Variants in RNF17 observed in about 807,000 individuals in gnomAD.
RNF17 encodes the protein spermatogenesis associated 23.
Under a neutral mutation model 200.5 loss-of-function variants are expected in RNF17, and 31 were observed. The observed-to-expected ratio is 0.15, with a 90% CI of 0.12 to 0.21. The LOEUF is 0.21. RNF17 is among the 10% of genes least tolerant of loss of function. The pLI is 1.00. For missense variants in RNF17, 1,628 were observed against 1,905.1 expected (o/e 0.85, Z 2.71); for synonymous variants, 606 against 637.8 (o/e 0.95, Z 0.75).
downstream of RNF17, chr13:24,883,481 T>A (rs1364524798): frequency 2.5e-6 from 2 of 789,930 alleles, no homozygotes; most frequent in Middle Eastern, 3.7e-4. Context: ...TCTGGAGACA[T>A]CCCTTGGTTA....
downstream of RNF17, among the ~76,000 whole-genome samples, chr13:24,880,937 C>G (rs900704900): frequency 6.6e-6 from 1 of 152,146 alleles, no homozygotes; most frequent in Non-Finnish European, 1.5e-5. Context: ...TATGCATTCA[C>G]TGGTTTATTA....
At chr13:24,879,433 C>A in intron 35 of RNF17, 138 bp downstream of exon 35, 1 of 621,910 alleles carries the variant, frequency 1.6e-6, no homozygotes. Context: ...TCTTCATAGG[C>A]CCTTCTCACC....
intron 2 of RNF17, among the ~76,000 whole-genome samples, chr13:24,773,917 T>C (rs1467860287): frequency 1.3e-5 from 2 of 152,188 alleles, no homozygotes; most frequent in Non-Finnish European, 2.9e-5. Context: ...CTTTCAGGTA[T>C]CAGTTCATGA....
At chr13:24,796,874 A>C (rs768609515) in intron 11 of RNF17, among the ~76,000 whole-genome samples, 13 of 152,240 alleles carry the variant, frequency 8.5e-5, no homozygotes, top group Non-Finnish European at 1.9e-4. Flanking sequence ...CATTTGTATT[A>C]ATAGAGTATT....
chr13:24,859,254 A>G (rs779368392), intron 26 of RNF17, 90 bp downstream of exon 26: 21 of 916,494 alleles, frequency 2.3e-5, no homozygotes, highest in Admixed American at 6.0e-5. Context: ...AAGTTGGATT[A>G]AAACATCTTT....
intron 26 of RNF17, among the ~76,000 whole-genome samples, chr13:24,860,954 T>C (rs1200416216): frequency 1.3e-5 from 2 of 152,000 alleles, no homozygotes; most frequent in Admixed American, 1.3e-4. Context: ...CACAGCTCAT[T>C]GCAGCCTTGA....
chr13:24,869,607 G>C lies in RNF17; in HGVS notation c.4278+891G>C, dbSNP rs539028587. Among the ~76,000 whole-genome samples the C allele has an allele frequency of 1.9e-4, 29 of 152,276 alleles. No individual in the cohort carries two copies. In the South Asian group the frequency reaches 5.6e-3, roughly 29 times the overall value. On this transcript the variant is annotated intron_variant, in intron 31 of 35. Coordinates refer to ENST00000255324, the MANE Select transcript of RNF17 (RefSeq NM_031277.3). ...TCACTCACATGGCACCACCTGGAAGGCTGTGTTTCCTGCCCGTGGCCTCTC... is the reference window on the plus strand; with the variant it reads ...TCACTCACATGGCACCACCTGGAAGCCTGTGTTTCCTGCCCGTGGCCTCTC...
intron 1 of RNF17, 57 bp from the exon 2 acceptor site, chr13:24,767,215 C>A (rs1360002922): frequency 3.0e-5 from 38 of 1,247,656 alleles, no homozygotes; most frequent in Middle Eastern, 1.9e-4. Context: ...CAGAGCAAGA[C>A]CCTGTCTCAA....
chr13:24,832,010 C>A (rs1160160012), intron 18 of RNF17, 32 bp downstream of exon 18: 1 of 1,387,484 alleles, frequency 7.2e-7, no homozygotes. Flanking sequence ...TATGTAATCA[C>A]ATATAATTTT....
At chr13:24,888,567 TCTG>T in the RNF17 span, among the ~76,000 whole-genome samples, 1 of 149,188 alleles carries the variant, frequency 6.7e-6, no homozygotes, top group South Asian at 2.1e-4. Context: ...AAGAGCATAC[TCTG>T]CTGACAGTAA....
chr13:24,860,577 A>G (rs922411650), intron 26 of RNF17, among the ~76,000 whole-genome samples: 7 of 152,226 alleles, frequency 4.6e-5, no homozygotes, highest in African/African-American at 1.7e-4. Context: ...AGCAAATCCA[A>G]TTAAACAGTG....
At chr13:24,846,170 G>A (rs1326622344) in intron 22 of RNF17, among the ~76,000 whole-genome samples, 2 of 152,176 alleles carry the variant, frequency 1.3e-5, no homozygotes, top group African/African-American at 2.4e-5. Context: ...GTTATTCCAT[G>A]TCTAGGCTGC....
At chr13:24,885,140 G>A in the RNF17 span, 2 of 667,822 alleles carry the variant, frequency 3.0e-6, no homozygotes, top group Non-Finnish European at 5.3e-6. Context: ...GCCGCCTTTT[G>A]CTGAATCTCT....
intron 1 of RNF17, among the ~76,000 whole-genome samples, chr13:24,766,586 C>T (rs999226108): frequency 3.9e-5 from 6 of 152,128 alleles, no homozygotes; most frequent in Non-Finnish European, 8.8e-5. Context: ...TCATTTTGGC[C>T]CTTCCTGACC....
intron 31 of RNF17, among the ~76,000 whole-genome samples, chr13:24,869,780 T>G (rs957870736): frequency 6.0e-5 from 9 of 151,050 alleles, no homozygotes; most frequent in Non-Finnish European, 1.3e-4. Context: ...TTGTTTGTTT[T>G]TTGAGATAGG....
intron 35 of RNF17, 124 bp downstream of exon 35, chr13:24,879,419 GAT>G (rs138925107): frequency 3.1e-6 from 2 of 648,040 alleles, no homozygotes; most frequent in East Asian, 5.5e-5. Flanking sequence ...CGCTCCACCA[GAT>G]TTCTTCATAG....
intron 14 of RNF17, 112 bp downstream of exon 14, chr13:24,802,683 G>A (rs545209778): frequency 7.3e-6 from 5 of 688,340 alleles, no homozygotes; most frequent in Admixed American, 3.5e-5. Flanking sequence ...CATACCTGAA[G>A]AAGTGAAAAA....
intron 3 of RNF17, among the ~76,000 whole-genome samples, chr13:24,777,141 G>T (rs1317765930): frequency 6.6e-6 from 1 of 152,118 alleles, no homozygotes; most frequent in East Asian, 1.9e-4. Flanking sequence ...CTCATTTACT[G>T]ATTTGTCTTT....
intron 25 of RNF17, among the ~76,000 whole-genome samples, chr13:24,856,712 G>T (rs1892545214): frequency 6.6e-6 from 1 of 152,166 alleles, no homozygotes; most frequent in East Asian, 1.9e-4. Context: ...TCTGTTCTGT[G>T]TTAGTGCTAT....
Sources: allele counts gnomAD v4.1 joint callset (sites outside exome capture counted in the v4.1 genomes callset), GRCh38; gene constraint gnomAD v4.1.1; transcripts MANE v1.5; gene names NCBI Gene and HGNC (gene_info 2026-07-23, HGNC 2026-07-21).